Variants in DGKB observed in about 807,000 individuals in gnomAD.
DGKB encodes the protein 90 kDa diacylglycerol kinase.
DGKB carries 67 observed loss-of-function variants against 114.3 expected under a neutral mutation model. The observed-to-expected ratio is 0.59, with a 90% CI of 0.48 to 0.72. The LOEUF is 0.72. Ranked by LOEUF, DGKB falls within the 30% of genes least tolerant of loss-of-function variation. The pLI is 0.00. For missense variants in DGKB, 907 were observed against 975.2 expected (o/e 0.93, Z 0.93); for synonymous variants, 398 against 323.1 (o/e 1.23, Z -2.49).
intron 23 of DGKB, among the ~76,000 whole-genome samples, chr7:14,280,231 G>T (rs1303288810): frequency 6.6e-6 from 1 of 152,138 alleles, no homozygotes; most frequent in Non-Finnish European, 1.5e-5. Flanking sequence ...CTCAGGAGCT[G>T]ATGCGATCAA....
intron 21 of DGKB, among the ~76,000 whole-genome samples, chr7:14,448,308 A>T (rs960635102): frequency 3.3e-5 from 5 of 152,084 alleles, no homozygotes; most frequent in Non-Finnish European, 7.4e-5. Flanking sequence ...GGATGCTGAA[A>T]GTTGTGGTTG....
At chr7:14,926,624 G>T (rs989811275) in intron 1 of DGKB, among the ~76,000 whole-genome samples, 6 of 150,358 alleles carry the variant, frequency 4.0e-5, no homozygotes, top group South Asian at 4.2e-4. Context: ...AAATTTAATT[G>T]GTCAATTTTT....
chr7:14,422,907 A>G (rs1181285113), intron 21 of DGKB, among the ~76,000 whole-genome samples: 1 of 152,014 alleles, frequency 6.6e-6, no homozygotes, highest in Non-Finnish European at 1.5e-5. Flanking sequence ...CTTTACATAC[A>G]TTATTCCCCA....
At chr7:14,413,058 T>C (rs1438177028) in intron 21 of DGKB, among the ~76,000 whole-genome samples, 1 of 151,692 alleles carries the variant, frequency 6.6e-6, no homozygotes, top group Non-Finnish European at 1.5e-5. Flanking sequence ...GACAGCAGCC[T>C]GGACTAGGAT....
At chr7:14,964,163 G>A (rs1433077439) in intron 1 of DGKB, among the ~76,000 whole-genome samples, 1 of 152,062 alleles carries the variant, frequency 6.6e-6, no homozygotes, top group African/African-American at 2.4e-5. Flanking sequence ...CACATAATAT[G>A]TGCTAAGGCA....
intron 5 of DGKB, among the ~76,000 whole-genome samples, chr7:14,721,993 T>C (rs975498335): frequency 5.9e-5 from 9 of 152,228 alleles, no homozygotes; most frequent in Non-Finnish European, 1.2e-4. Flanking sequence ...GTGTTTCACA[T>C]TAATTCTACT....
intron 1 of DGKB, among the ~76,000 whole-genome samples, chr7:14,877,264 A>G (rs1354706434): frequency 6.6e-6 from 1 of 152,192 alleles, no homozygotes; most frequent in Admixed American, 6.5e-5. Flanking sequence ...ATCCTTTTGA[A>G]AAATTTTATG....
At chr7:14,530,004 T>C (rs930222330) in intron 20 of DGKB, among the ~76,000 whole-genome samples, 3 of 151,720 alleles carry the variant, frequency 2.0e-5, no homozygotes, top group Non-Finnish European at 4.4e-5. Flanking sequence ...GAAATCAAAA[T>C]GGACTGGAGT....
At chr7:14,672,566 T>G (rs1256469899) in intron 13 of DGKB, among the ~76,000 whole-genome samples, 1 of 152,048 alleles carries the variant, frequency 6.6e-6, no homozygotes, top group Non-Finnish European at 1.5e-5. Context: ...AGATATATAA[T>G]GTGCATCTCC....
intron 1 of DGKB, among the ~76,000 whole-genome samples, chr7:14,914,943 AAC>A (rs1220209200): frequency 2.0e-5 from 3 of 152,174 alleles, no homozygotes; most frequent in Admixed American, 6.5e-5. Flanking sequence ...AATGAGCTTG[AAC>A]ACAGGAGGAA....
At chr7:14,816,105 C>T (rs1392995263) in intron 2 of DGKB, among the ~76,000 whole-genome samples, 2 of 152,060 alleles carry the variant, frequency 1.3e-5, no homozygotes, top group Admixed American at 6.6e-5. Context: ...ACGAGGCGGG[C>T]AGATCACTTG....
chr7:14,765,639 T>TA (rs1446101368), intron 2 of DGKB, among the ~76,000 whole-genome samples: 1 of 151,990 alleles, frequency 6.6e-6, no homozygotes, highest in African/African-American at 2.4e-5. Context: ...AAATATCTGC[T>TA]AATTTAGCCA....
At chr7:14,572,958 A>C (rs1798611864) in intron 20 of DGKB, among the ~76,000 whole-genome samples, 1 of 151,394 alleles carries the variant, frequency 6.6e-6, no homozygotes, top group Non-Finnish European at 1.5e-5. Flanking sequence ...GCAGAAAGCC[A>C]ATCAATTCCT....
upstream of DGKB, among the ~76,000 whole-genome samples, chr7:14,905,985 TA>T (rs1783686754): frequency 6.6e-6 from 1 of 152,158 alleles, no homozygotes; most frequent in African/African-American, 2.4e-5. Flanking sequence ...TGTCCTTTCA[TA>T]TCTATCACTC....
chr7:14,158,797 G>A (rs1233962388), intron 25 of DGKB, among the ~76,000 whole-genome samples: 1 of 152,090 alleles, frequency 6.6e-6, no homozygotes, highest in Non-Finnish European at 1.5e-5. Context: ...TCAAGGTATT[G>A]TTTCATCATT....
In DGKB at chr7:14,841,441, T is replaced by A; in HGVS notation, c.-178A>T. ...TTGGATGCTTGTAATTTCAATAATG[T>A]GTTAAAGAACTGCAAAAAAAAAAAA... On this transcript the variant is annotated 5_prime_UTR_variant, in exon 2 of 26. Transcript: ENST00000402815. 1 of 413,628 alleles carries A rather than the reference T, an allele frequency of 2.4e-6. No homozygotes were observed. The highest frequency in any genetic ancestry group is 4.1e-6 in the Non-Finnish European group (1 of 246,258). 25.6% of individuals were successfully genotyped at this position (413,628 alleles called of 1,614,324 possible). A position where few individuals can be genotyped will look rare whatever the true frequency, so the allele number is the denominator to read the frequency against.
intron 13 of DGKB, among the ~76,000 whole-genome samples, chr7:14,630,745 T>C (rs1809525171): frequency 6.6e-6 from 1 of 152,044 alleles, no homozygotes; most frequent in Admixed American, 6.6e-5. Context: ...ATTCCATTAA[T>C]ACCAGTAAAA....
At chr7:14,526,250 T>C (rs1189193736) in intron 20 of DGKB, among the ~76,000 whole-genome samples, 4 of 152,164 alleles carry the variant, frequency 2.6e-5, no homozygotes, top group African/African-American at 9.6e-5. Context: ...GGATTCTTCG[T>C]TGTTGTGGGG....
upstream of DGKB, among the ~76,000 whole-genome samples, chr7:14,907,603 C>T (rs1554342406): frequency 6.6e-6 from 1 of 152,092 alleles, no homozygotes; most frequent in East Asian, 1.9e-4. Context: ...AACTGTGTGC[C>T]CTGTCTTCAT....
Sources: allele counts gnomAD v4.1 joint callset (sites outside exome capture counted in the v4.1 genomes callset), GRCh38; gene constraint gnomAD v4.1.1; transcripts MANE v1.5; gene names NCBI Gene and HGNC (gene_info 2026-07-23, HGNC 2026-07-21).